The following PCDHGA11 variants were observed in gnomAD, a reference collection of about 807,000 sequenced individuals.
PCDHGA11 encodes the protein protocadherin gamma subfamily A, 11.
PCDHGA11 carries 39 observed loss-of-function variants against 60.4 expected under a neutral mutation model. The ratio of observed to expected loss-of-function variants is 0.65; its 90% CI spans 0.50 to 0.84. The LOEUF (loss-of-function observed/expected upper bound fraction) is 0.84. Ranked by LOEUF, PCDHGA11 falls within the 40% of genes least tolerant of loss-of-function variation. PCDHGA11 has a pLI of 0.00. For synonymous variants in PCDHGA11, 533 were observed against 510.3 expected (o/e 1.04, Z -0.60); for missense variants, 1,165 against 1,197.7 (o/e 0.97, Z 0.40).
At position 141,486,714 on chromosome 5, in the gene PCDHGA11, CAG is replaced by C; in HGVS notation, c.2434-8092_2434-8091del. ...TCTTTCATCTCTCTGAACCCCCAGA[CAG>C]GAGCTGTTCATGCTACTCGATCCTT... On this transcript the variant is annotated intron_variant, in intron 1 of 3. Coordinates refer to ENST00000398587, the MANE Select transcript of PCDHGA11 (RefSeq NM_018914.3). This position sits in a 1 kb window ranked among gnomAD's most constrained non-coding sequence, Gnocchi z 5.0. 1 of 1,614,216 alleles carries C rather than the reference CAG, an allele frequency of 6.2e-7. No homozygotes were observed. Among genetic ancestry groups the C allele is most frequent in the Non-Finnish European group, 8.5e-7 (1 of 1,180,034 alleles).
rs994324285 is a variant in PCDHGA11 at position 141,455,094 on chromosome 5, G to A, written c.2433+31434G>A. Among the ~76,000 whole-genome samples the A allele has an allele frequency of 3.3e-5, 5 of 152,104 alleles. No individual in the cohort carries two copies. In the Middle Eastern group the frequency reaches 0.014, roughly 414 times the overall value. ...CCCAAAGTGCTGGGATTACAGGCTT[G>A]AGCCACTGCGCCCGGTGGGTCTAAT... On this transcript the variant is annotated intron_variant, in intron 1 of 3. Coordinates refer to ENST00000398587, the MANE Select transcript of PCDHGA11 (RefSeq NM_018914.3).
rs112156044 is a variant in PCDHGA11, at chr5:141,476,771, G to T, written c.2434-18036G>T. ...CCAGTTAGTGCTGACGGCGTTGGAC[G>T]GAGGGACCCCAGCTCTCTCCGCCAG... On this transcript the variant is annotated intron_variant, in intron 1 of 3. Coordinates refer to ENST00000398587, the MANE Select transcript of PCDHGA11 (RefSeq NM_018914.3). The surrounding 1 kb of genome is among the most constrained non-coding windows in gnomAD (Gnocchi z 7.6). The T allele has an allele frequency of 6.2e-7, 1 of 1,613,700 alleles. No homozygotes were observed. The highest frequency in any genetic ancestry group is 1.1e-5 in the South Asian group (1 of 91,084).
At chr5:141,429,378 T>G (rs890583768) in intron 1 of PCDHGA11, among the ~76,000 whole-genome samples, 3 of 105,336 alleles carry the variant, frequency 2.8e-5, no homozygotes, top group African/African-American at 5.2e-5. Flanking sequence ...AGAAAATGTG[T>G]TTTTTTTTTA....
chr5:141,424,023 A>G (rs1391381195), intron 1 of PCDHGA11: 1 of 1,047,166 alleles, frequency 9.5e-7, no homozygotes, highest in Non-Finnish European at 1.2e-6. Context: ...TGATTCACAA[A>G]CACTTTTTAT....
rs146748846 is a variant in PCDHGA11 at position 141,452,937 on chromosome 5, G to C, written c.2433+29277G>C. 4.0e-4 allele frequency among the ~76,000 whole-genome samples: 61 copies of C among 152,254 alleles called. No individual in the cohort carries two copies. The East Asian group carries it at 0.01, about 26-fold the overall frequency. On this transcript the variant is annotated intron_variant, in intron 1 of 3. Coordinates refer to ENST00000398587, the MANE Select transcript of PCDHGA11 (RefSeq NM_018914.3). The stretch of plus-strand genomic sequence containing the variant: ...AGTAAGAAAGAGCTGCTGAAGATTT[G>C]CTTGCAATTGGTTGTCTTTAAACTG...
At position 141,489,481 on chromosome 5, in the gene PCDHGA11, A is replaced by C; in HGVS notation, c.2434-5326A>C. 6.2e-7 allele frequency: 1 copy of C among 1,614,040 alleles called. No homozygotes were observed. The highest frequency in any genetic ancestry group is 8.5e-7 in the Non-Finnish European group (1 of 1,180,004). ...GCGCTATTTTTCCCTGAGCTTGATG[A>C]GTGGTGCCCTGGCAGTGAATCAAAA... is the stretch of plus-strand genomic sequence containing the variant. On this transcript the variant is annotated intron_variant, in intron 1 of 3. Transcript: ENST00000398587. The surrounding 1 kb of genome is among the most constrained non-coding windows in gnomAD (Gnocchi z 4.5).
Position 141,432,972 on chromosome 5 carries a change from C to T in PCDHGA11, c.2433+9312C>T. 1 of 1,614,218 alleles carries T rather than the reference C, an allele frequency of 6.2e-7. No homozygotes were observed. Among genetic ancestry groups the T allele is most frequent in the African/African-American group, 1.3e-5 (1 of 75,058 alleles). ...GGCGGCTTGACAGGAGCGCCGGCGT[C>T]GCACTTTGTGGGCGTGGACGGGGTG... On this transcript the variant is annotated intron_variant, in intron 1 of 3. Coordinates refer to ENST00000398587, the MANE Select transcript of PCDHGA11 (RefSeq NM_018914.3). This position sits in a 1 kb window ranked among gnomAD's most constrained non-coding sequence, Gnocchi z 6.0.
At chr5:141,442,294 C>A (rs1194203452) in intron 1 of PCDHGA11, 1 of 152,584 alleles carries the variant, frequency 6.6e-6, no homozygotes, top group Admixed American at 6.5e-5. Context: ...ATGATCCTGT[C>A]TGAGTCTTTC....
intron 1 of PCDHGA11, chr5:141,441,162 G>T (rs1009205566): frequency 6.6e-6 from 1 of 152,166 alleles, no homozygotes; most frequent in African/African-American, 2.4e-5. Context: ...TCCTAGAGGC[G>T]ATTTTTACTT....
chr5:141,449,876 C>G (rs924666805), intron 1 of PCDHGA11, among the ~76,000 whole-genome samples: 2 of 151,724 alleles, frequency 1.3e-5, no homozygotes, highest in Non-Finnish European at 2.9e-5. Flanking sequence ...AATTTAACAT[C>G]AATGCAATAT....
At chr5:141,504,709 C>G (rs11743102) in intron 2 of PCDHGA11, among the ~76,000 whole-genome samples, 29,287 of 151,306 alleles carry the variant, frequency 0.19, 2,876 homozygotes, top group Middle Eastern at 0.24. Context: ...CTTCTATGGC[C>G]GTGGATTTTA....
At chr5:141,479,862 C>T (rs2099508997) in intron 1 of PCDHGA11, among the ~76,000 whole-genome samples, 1 of 152,170 alleles carries the variant, frequency 6.6e-6, no homozygotes, top group Non-Finnish European at 1.5e-5. Flanking sequence ...GGCCTTTGCC[C>T]TGGAGAGAAC....
chr5:141,421,089 T>A lies in PCDHGA11; in HGVS notation c.-139T>A, dbSNP rs1047424267. 25 of 661,836 alleles carry A rather than the reference T, an allele frequency of 3.8e-5. No individual in the cohort carries two copies. The highest frequency in any genetic ancestry group is 4.1e-4 in the Middle Eastern group (1 of 2,438). 41.0% of individuals were successfully genotyped at this position (661,836 alleles called of 1,614,324 possible). A position where few individuals can be genotyped will look rare whatever the true frequency, so the allele number is the denominator to read the frequency against. ...GAATGAGATGGATACTCACAGATCC[T>A]GACACTGGAGACTTAGAAGTATTTT... On this transcript the variant is annotated 5_prime_UTR_variant, in exon 1 of 4. The change abolishes the stop of an existing upstream ORF in the 5' untranslated region. Transcript: ENST00000398587.
In PCDHGA11 at chr5:141,489,652, C is replaced by A. The variant is rs767143028; in HGVS notation, c.2434-5155C>A. On this transcript the variant is annotated intron_variant, in intron 1 of 3. Transcript: ENST00000398587. The surrounding 1 kb of genome is among the most constrained non-coding windows in gnomAD (Gnocchi z 4.5). ...CTCTCCTAGCTTTGCCACCCCTGAG[C>A]GAGAGATGCGCATCTCAGAATCAGC... 34 of 1,614,024 alleles carry A rather than the reference C, an allele frequency of 2.1e-5. No homozygotes were observed. The Middle Eastern group carries it at 6.6e-4, about 31-fold the overall frequency.
rs1036281905 is a variant in PCDHGA11 at position 141,493,555 on chromosome 5, T to C, written c.2434-1252T>C. ...GCCAGTTATCCTTTTGGAGATTGAG[T>C]TCCCCCAGCTCCGTTTCCTCCTATC... On this transcript the variant is annotated intron_variant, in intron 1 of 3. Transcript: ENST00000398587. This position sits in a 1 kb window ranked among gnomAD's most constrained non-coding sequence, Gnocchi z 4.3. Among the ~76,000 whole-genome samples, 3 of 152,012 alleles carry C rather than the reference T, an allele frequency of 2.0e-5. No individual in the cohort carries two copies. Among genetic ancestry groups the C allele is most frequent in the African/African-American group, 7.3e-5 (3 of 41,362 alleles).
In PCDHGA11 at chr5:141,422,500, G is replaced by A. The variant is rs762511271; in HGVS notation, c.1273G>A (p.Ala425Thr). 6.2e-7 allele frequency: 1 copy of A among 1,614,008 alleles called. No individual in the cohort carries two copies. The highest frequency in any genetic ancestry group is 8.5e-7 in the Non-Finnish European group (1 of 1,179,886). ...CCAGAGCTACAATATAACGTTGACA[G>A]CCACAGACCAGGGAAGCCCGCCTTT... The part of the protein sequence containing the change: ...LVQSYNITLT[A>T]TDQGSPPLSA... The change falls in exon 1 of 4, where the codon GCC becomes ACC. Residue 425 changes from alanine (A) to threonine (T), a missense_variant. Ala to Thr is a moderately conservative substitution (Grantham distance 58). Transcript: ENST00000398587.
rs748287385 is a variant in PCDHGA11 at position 141,422,280 on chromosome 5, C to G, written c.1053C>G (p.Thr351=). The change falls in exon 1 of 4, where the codon ACC becomes ACG. Residue 351 remains threonine (T), a synonymous_variant. Transcript: ENST00000398587. ...VNDNAPEITI[T]SSINSILENS... Reference sequence around the variant, plus strand: ...ATAACGCTCCAGAAATAACTATCACCTCTTCTATTAATTCAATTCTGGAAA... The same window carrying G: ...ATAACGCTCCAGAAATAACTATCACGTCTTCTATTAATTCAATTCTGGAAA... 5.8e-6 allele frequency: 9 copies of G among 1,557,754 alleles called. No homozygotes were observed. The highest frequency in any genetic ancestry group is 7.8e-6 in the Non-Finnish European group (9 of 1,158,520).
rs1390441638 is a variant in PCDHGA11, at chr5:141,432,562, C to T, written c.2433+8902C>T. 1.9e-6 allele frequency: 3 copies of T among 1,613,964 alleles called. No individual in the cohort carries two copies. Among genetic ancestry groups the T allele is most frequent in the Non-Finnish European group, 2.5e-6 (3 of 1,180,004 alleles). On this transcript the variant is annotated intron_variant, in intron 1 of 3. Coordinates refer to ENST00000398587, the MANE Select transcript of PCDHGA11 (RefSeq NM_018914.3). This position sits in a 1 kb window ranked among gnomAD's most constrained non-coding sequence, Gnocchi z 6.0. ...CGGTGGACAGAGACTCCGGCCAGAA[C>T]GCCTGGCTGTCCTACCGTCTGCTCA...
rs551414580 is a variant in PCDHGA11, at chr5:141,493,693, C to T, written c.2434-1114C>T. ...GCCCCAGAATGGTGCTGGTGACTCC[C>T]GATACACCTGGAATGCTAGGTTTCT... On this transcript the variant is annotated intron_variant, in intron 1 of 3. Coordinates refer to ENST00000398587, the MANE Select transcript of PCDHGA11 (RefSeq NM_018914.3). This position sits in a 1 kb window ranked among gnomAD's most constrained non-coding sequence, Gnocchi z 4.3. 5.3e-5 allele frequency among the ~76,000 whole-genome samples: 8 copies of T among 152,168 alleles called. No individual in the cohort carries two copies. Among genetic ancestry groups the T allele is most frequent in the Non-Finnish European group, 1.0e-4 (7 of 68,032 alleles).
Sources: allele counts gnomAD v4.1 joint callset (sites outside exome capture counted in the v4.1 genomes callset), GRCh38; gene constraint gnomAD v4.1.1; non-coding constraint Gnocchi (gnomAD v3.1); transcripts MANE v1.5; gene names NCBI Gene and HGNC (gene_info 2026-07-23, HGNC 2026-07-21).